Variants in TSPOAP1 observed in about 807,000 individuals in gnomAD.
The protein encoded by TSPOAP1 is TSPO associated protein 1.
A neutral mutation model predicts 197.0 loss-of-function variants in TSPOAP1; 87 were observed. The ratio of observed to expected loss-of-function variants is 0.44; its 90% CI spans 0.37 to 0.53. TSPOAP1 has a LOEUF of 0.53. TSPOAP1 is among the 20% of genes least tolerant of loss of function. The probability of loss-of-function intolerance (pLI) is 0.00; values close to 1 mark genes in which losing one functional copy is unlikely to be tolerated. For missense variants in TSPOAP1, 2,174 were observed against 2,411.3 expected (o/e 0.90, Z 2.06); for synonymous variants, 913 against 998.9 (o/e 0.91, Z 1.62).
Position 58,328,056 on chromosome 17 carries a change from T to A in TSPOAP1, c.-136A>T. ...CACCGACGCTCCATCCAAGGTTGGC[T>A]GAGCTCTTCCCCACCCACAAAGGAG... On this transcript the variant is annotated 5_prime_UTR_variant, in exon 1 of 32. Transcript: ENST00000343736. This position sits in a 1 kb window ranked among gnomAD's most constrained non-coding sequence, Gnocchi z 4.3. 1 of 821,980 alleles carries A rather than the reference T, an allele frequency of 1.2e-6. No homozygotes were observed. Among genetic ancestry groups the A allele is most frequent in the Non-Finnish European group, 1.9e-6 (1 of 540,364 alleles). The allele number at this position is 821,980 out of a possible 1,614,324, so 50.9% of individuals were successfully genotyped here.
chr17:58,312,162 G>A lies in TSPOAP1; in HGVS notation c.2659C>T (p.Gln887Ter). 1 of 1,613,132 alleles carries A rather than the reference G, an allele frequency of 6.2e-7. No individual in the cohort carries two copies. The highest frequency in any genetic ancestry group is 1.1e-5 in the South Asian group (1 of 91,084). The change falls in exon 17 of 32, where the codon CAG becomes TAG. Residue 887 changes from glutamine (Q) to a stop codon, truncating the protein, a stop_gained. Coordinates refer to ENST00000343736, the MANE Select transcript of TSPOAP1 (RefSeq NM_004758.4). LOFTEE classifies it high-confidence loss of function. ...VGARAGVVPS[Q>*]LRVHRLTATS... is the part of the protein sequence containing the mutation. ...GCTGTCAACCGATGGACCCGCAGCT[G>A]GCTGGGCACCACTCCGGCCCGGGCA...
Position 58,325,616 on chromosome 17 carries a change from G to C in TSPOAP1, c.668C>G (p.Ala223Gly). 1.2e-6 allele frequency: 2 copies of C among 1,613,634 alleles called. No homozygotes were observed. Among genetic ancestry groups the C allele is most frequent in the Non-Finnish European group, 1.7e-6 (2 of 1,180,020 alleles). Residue 223 changes from alanine (A) to glycine (G), a missense_variant, in exon 4 of 32, where the codon GCA (alanine) becomes GGA (glycine). Ala to Gly is a moderately conservative substitution (Grantham distance 60). Transcript: ENST00000343736. ...AATCTGCTTGTCCTTGGCCAGCAGT[G>C]CACTGGCTGTCTCACTGAGGTCCCG... The part of the protein sequence containing the change: ...RARDLSETAS[A>G]LLAKDKQIAA...
rs769477009 is a variant in TSPOAP1, at chr17:58,311,634, A to T, written c.3018T>A (p.Asp1006Glu). The T allele has an allele frequency of 3.1e-6, 5 of 1,611,162 alleles. No homozygotes were observed. Among genetic ancestry groups the T allele is most frequent in the African/African-American group, 1.3e-5 (1 of 74,880 alleles). The change falls in exon 18 of 32, where the codon GAT becomes GAA. Residue 1006 changes from aspartate (D) to glutamate (E), a missense_variant. Around this residue, in one of 5 missense-constraint regions of TSPOAP1, gnomAD observed 1,933 missense variants for 2,139.0 expected, o/e 0.90. Coordinates refer to ENST00000343736, the MANE Select transcript of TSPOAP1 (RefSeq NM_004758.4). ...LIISWLPVTI[D>E]AAGTSNGVRV... ...GGACACCGTTGGATGTGCCAGCAGC[A>T]TCGATGGTGACTGGGAGCCAACTGA...
intron 31 of TSPOAP1, chr17:58,303,341 C>T (rs1348597924): frequency 1.3e-5 from 2 of 152,622 alleles, no homozygotes; most frequent in Non-Finnish European, 2.9e-5. Context: ...CTGGCAGGCT[C>T]CCAGCCAGAA....
At chr17:58,323,164 GA>G in intron 7 of TSPOAP1, 125 bp from the exon 8 acceptor site, 3 of 1,461,262 alleles carry the variant, frequency 2.1e-6, no homozygotes, top group Non-Finnish European at 2.8e-6. Flanking sequence ...CACCAGCCAG[GA>G]AAGGAAAGGA....
At chr17:58,325,311 C>G (rs961628075) in intron 4 of TSPOAP1, 5 of 636,114 alleles carry the variant, frequency 7.9e-6, no homozygotes, top group Non-Finnish European at 1.4e-5. Context: ...GACCCACCGG[C>G]AAACAGCCTC....
At chr17:58,306,565 T>C (rs1970900333) in intron 25 of TSPOAP1, 152 bp from the exon 26 acceptor site, 1 of 947,048 alleles carries the variant, frequency 1.1e-6, no homozygotes. Context: ...CCACCCAACC[T>C]CCAGGACCCA....
chr17:58,327,781 G>T lies in TSPOAP1; in HGVS notation c.140C>A (p.Pro47Gln), dbSNP rs775766343. 1.3e-5 allele frequency: 21 copies of T among 1,614,080 alleles called. No homozygotes were observed. Among genetic ancestry groups the T allele is most frequent in the Non-Finnish European group, 1.8e-5 (21 of 1,180,050 alleles). Residue 47 changes from proline (P) to glutamine (Q), a missense_variant, in exon 1 of 32, where the codon CCG (proline) becomes CAG (glutamine). Coordinates refer to ENST00000343736, the MANE Select transcript of TSPOAP1 (RefSeq NM_004758.4). ...CAGTTCTTGAAGCTGCAGAGCTGCC[G>T]GAGGAGTATCAGCGATGCTTGGGGC... ...SAAPSIADTPPAALQLQELRS... is the reference protein window; with the variant it reads ...SAAPSIADTPQAALQLQELRS...
At chr17:58,305,481 A>G in intron 28 of TSPOAP1, 23 bp from the exon 29 acceptor site, 2 of 1,613,620 alleles carry the variant, frequency 1.2e-6, no homozygotes, top group Non-Finnish European at 1.7e-6. Context: ...AGAGGAGGGC[A>G]TCAGGCCCAG....
chr17:58,320,272 G>T, intron 11 of TSPOAP1, 143 bp from the exon 12 acceptor site: 1 of 1,095,534 alleles, frequency 9.1e-7, no homozygotes, highest in Non-Finnish European at 1.3e-6. Context: ...TAAATGGAAG[G>T]ATATCTCAGG....
chr17:58,323,282 G>T lies in TSPOAP1; in HGVS notation c.1104+16C>A. 1 of 1,613,682 alleles carries T rather than the reference G, an allele frequency of 6.2e-7. No homozygotes were observed. On this transcript the variant is annotated intron_variant, in intron 7 of 31. Coordinates refer to ENST00000343736, the MANE Select transcript of TSPOAP1 (RefSeq NM_004758.4). ...GAAGGGAGGAGCTGGCCTCTGGGTT[G>T]CCCTCAAGAGCTCACCAGCTCCTCA...
Position 58,312,640 on chromosome 17 carries a change from G to T in TSPOAP1, c.2181C>A (p.Leu727=). ...GGGACAAATCGGCCAGCTCTGGAGG[G>T]AGGGAGGTCAGGAGGTCATCATCCG... is the stretch of plus-strand genomic sequence containing the variant. ...RVSDDDLLTS[L]PPELADLSHS... Residue 727 remains leucine (L), a synonymous_variant, in exon 17 of 32, where the codon CTC becomes CTA. Transcript: ENST00000343736. 1.2e-6 allele frequency: 2 copies of T among 1,613,878 alleles called. No homozygotes were observed. Among genetic ancestry groups the T allele is most frequent in the Non-Finnish European group, 8.5e-7 (1 of 1,180,038 alleles).
In TSPOAP1 at chr17:58,306,856, C is replaced by T. The variant is rs200558188; in HGVS notation, c.5096G>A (p.Arg1699Lys). 444 of 1,613,742 alleles carry T rather than the reference C, an allele frequency of 2.8e-4. 2 individuals carry two copies. The East Asian group carries it at 9.7e-3, about 35-fold the overall frequency. The part of the protein sequence containing the change: ...AEVAVDSPAG[R>K]QQLLQRGYLS... ...ATAACCCCGCTGGAGCAGTTGCTGT[C>T]TCCCAGCAGGGCTGTCCACAGCCAC... Residue 1699 changes from arginine (R) to lysine (K), a missense_variant, in exon 25 of 32, where the codon AGA (arginine) becomes AAA (lysine). Arg to Lys is a conservative substitution (Grantham distance 26). Around this residue, in one of 5 missense-constraint regions of TSPOAP1, gnomAD observed 161 missense variants for 159.1 expected, o/e 1.01. Transcript: ENST00000343736.
Position 58,307,829 on chromosome 17 carries a change from A to G in TSPOAP1, c.4831+13T>C. On this transcript the variant is annotated intron_variant, in intron 23 of 31. Transcript: ENST00000343736. ...GCCGAGCAGCTCTAGCTCCAGCCCC[A>G]TCAGGTGCTCACCTAGCTCTGCAGT... 1 of 1,613,856 alleles carries G rather than the reference A, an allele frequency of 6.2e-7. No individual in the cohort carries two copies. Among genetic ancestry groups the G allele is most frequent in the Non-Finnish European group, 8.5e-7 (1 of 1,179,964 alleles).
Position 58,326,660 on chromosome 17 carries a change from G to T in TSPOAP1, c.441+23C>A. 1 of 1,610,366 alleles carries T rather than the reference G, an allele frequency of 6.2e-7. No individual in the cohort carries two copies. The highest frequency in any genetic ancestry group is 8.5e-7 in the Non-Finnish European group (1 of 1,176,872). On this transcript the variant is annotated intron_variant, in intron 2 of 31. Transcript: ENST00000343736. This position sits in a 1 kb window ranked among gnomAD's most constrained non-coding sequence, Gnocchi z 4.7. The stretch of plus-strand genomic sequence containing the variant: ...AGGGCCTGGCTCCAGCCAGAACGCA[G>T]CACCCCAGTCTCCAAGCCTCACCAG...
Position 58,308,837 on chromosome 17 carries a change from C to T in TSPOAP1, c.4435G>A (p.Gly1479Ser), listed in dbSNP as rs1247751931. The change falls in exon 22 of 32, where the codon GGC becomes AGC. Residue 1479 changes from glycine to serine, a missense_variant. This residue lies in a region of TSPOAP1 where 1,933 missense variants were observed against 2,139.0 expected (regional missense o/e 0.90). Transcript: ENST00000343736. ...GCCAGGCCAGGCTCCAGCGCCCGGCCACGGGAGCACCTCCGGGAAGGGCCC... is the reference window on the plus strand; with the variant it reads ...GCCAGGCCAGGCTCCAGCGCCCGGCTACGGGAGCACCTCCGGGAAGGGCCC... ...RLGPSRRCSR[G>S]RALEPGLASC... The T allele has an allele frequency of 5.6e-6, 9 of 1,611,480 alleles. No individual in the cohort carries two copies. Among genetic ancestry groups the T allele is most frequent in the Non-Finnish European group, 6.8e-6 (8 of 1,179,020 alleles).
chr17:58,306,723 CACA>C (rs1278190576), intron 25 of TSPOAP1, 74 bp downstream of exon 25: 68 of 1,532,430 alleles, frequency 4.4e-5, no homozygotes, highest in Middle Eastern at 2.0e-4. Context: ...GCACCCCAGA[CACA>C]ACAATTGCTC....
Position 58,302,388 on chromosome 17 carries a change from G to A in TSPOAP1, c.*92C>T, listed in dbSNP as rs1598051432. The A allele has an allele frequency of 1.3e-5, 17 of 1,288,030 alleles. No individual in the cohort carries two copies. The highest frequency in any genetic ancestry group is 2.4e-4 in the Middle Eastern group (1 of 4,218). 79.8% of individuals were successfully genotyped at this position (1,288,030 alleles called of 1,614,324 possible). A position where few individuals can be genotyped will look rare whatever the true frequency, so the allele number is the denominator to read the frequency against. ...GTTCAATCCTGGGGGCGCTGCCAGA[G>A]CTGGGGGTACAAGGCCCACCTGGGG... On this transcript the variant is annotated 3_prime_UTR_variant, in exon 32 of 32. Transcript: ENST00000343736.
chr17:58,310,042 T>C lies in TSPOAP1; in HGVS notation c.3816A>G (p.Glu1272=), dbSNP rs146816897. ...AGCAAGTCCTGGAACCCAGCTCCTC[T>C]TCCTCCTCCTCCTCCTCCTCTTCCT... ...EEEEEEEEEE[E]EELGSRTCSF... is the part of the protein sequence containing the mutation. The change falls in exon 21 of 32, where the codon GAA becomes GAG. Residue 1272 remains glutamate, a synonymous_variant. Transcript: ENST00000343736. 54 of 1,612,634 alleles carry C rather than the reference T, an allele frequency of 3.3e-5. No individual in the cohort carries two copies. Among genetic ancestry groups the C allele is most frequent in the Non-Finnish European group, 4.2e-5 (49 of 1,179,540 alleles).
Sources: allele counts gnomAD v4.1 joint callset, GRCh38; gene constraint gnomAD v4.1.1; regional missense constraint gnomAD v4.1.1; non-coding constraint Gnocchi (gnomAD v3.1); transcripts MANE v1.5; gene names NCBI Gene and HGNC (gene_info 2026-07-23, HGNC 2026-07-21).